ANGPT4: variants seen among roughly 807,000 people sequenced by gnomAD.
The protein encoded by ANGPT4 is angiopoietin 4.
A neutral mutation model predicts 53.0 loss-of-function variants in ANGPT4; 50 were observed. The ratio of observed to expected loss-of-function variants is 0.94; its 90% confidence interval spans 0.75 to 1.20. The LOEUF (loss-of-function observed/expected upper bound fraction) is 1.20, where lower values mean the gene tolerates loss of function less well. Ranked by LOEUF, ANGPT4 falls within the 50% of genes most tolerant of loss-of-function variation. The pLI is 0.00. For missense variants in ANGPT4, 648 were observed against 637.1 expected (o/e 1.02, Z -0.18); for synonymous variants, 251 against 259.7 (o/e 0.97, Z 0.32).
At chr20:883,938 C>G (rs1981506524) in intron 4 of ANGPT4, among the ~76,000 whole-genome samples, 1 of 152,234 alleles carries the variant, frequency 6.6e-6, no homozygotes, top group Middle Eastern at 3.2e-3. Context: ...CAAACCCCTA[C>G]TCAGCTGGGT....
At chr20:890,170 C>T (rs952014978) in intron 2 of ANGPT4, 43 bp downstream of exon 2, 7 of 1,593,868 alleles carry the variant, frequency 4.4e-6, no homozygotes, top group African/African-American at 1.3e-5. Flanking sequence ...ACCAGCCTGG[C>T]CAGCCACAGG....
intron 1 of ANGPT4, among the ~76,000 whole-genome samples, chr20:910,586 G>T (rs1374105832): frequency 6.6e-6 from 1 of 152,148 alleles, no homozygotes; most frequent in African/African-American, 2.4e-5. Context: ...TCTGACTGGA[G>T]GTGCAGGCTT....
At position 872,671 on chromosome 20, in the gene ANGPT4, C is replaced by T; in HGVS notation, c.*289G>A. The T allele has an allele frequency of 5.0e-6, 2 of 402,070 alleles. No homozygotes were observed. Among genetic ancestry groups the T allele is most frequent in the South Asian group, 6.0e-5 (2 of 33,404 alleles). The allele number at this position is 402,070 out of a possible 1,614,324, so 24.9% of individuals were successfully genotyped here. On this transcript the variant is annotated 3_prime_UTR_variant, in exon 9 of 9. Transcript: ENST00000381922. The stretch of plus-strand genomic sequence containing the variant: ...AATCAAGTTTGGTCTGTTCTCAGCC[C>T]ATTCAAGGTACTGTGACCCTCAGGC...
chr20:915,345 G>A (rs145239594), intron 1 of ANGPT4, among the ~76,000 whole-genome samples: 13 of 151,930 alleles, frequency 8.6e-5, no homozygotes, highest in South Asian at 2.1e-4. Flanking sequence ...GGCACACACC[G>A]CTGCGGATGC....
At chr20:873,960 G>T (rs929758757) in intron 8 of ANGPT4, among the ~76,000 whole-genome samples, 4 of 152,164 alleles carry the variant, frequency 2.6e-5, no homozygotes, top group African/African-American at 9.7e-5. Flanking sequence ...CCTGATCCTG[G>T]TTCGGCTTGC....
rs753048955 is a variant in ANGPT4 at position 915,948 on chromosome 20, C to T, written c.267G>A (p.Gln89=). The T allele has an allele frequency of 3.1e-6, 5 of 1,605,358 alleles. No individual in the cohort carries two copies. The highest frequency in any genetic ancestry group is 1.7e-4 in the Middle Eastern group (1 of 5,980). The change falls in exon 1 of 9, where the codon CAG becomes CAA. Residue 89 remains glutamine, a synonymous_variant. Coordinates refer to ENST00000381922, the MANE Select transcript of ANGPT4 (RefSeq NM_015985.4). Reference sequence around the variant, plus strand: ...TGTTGTTCTGCAGTGCCTGCTCCAGCTGTTTCACCTGCTGGGTGGGCAACT... The same window carrying T: ...TGTTGTTCTGCAGTGCCTGCTCCAGTTGTTTCACCTGCTGGGTGGGCAACT... The part of the protein sequence containing the change: ...LGKLPTQQVK[Q]LEQALQNNTQ...
At chr20:878,911 C>A (rs889872250) in intron 6 of ANGPT4, among the ~76,000 whole-genome samples, 5 of 152,164 alleles carry the variant, frequency 3.3e-5, no homozygotes, top group African/African-American at 9.7e-5. Context: ...TGTCCCAATG[C>A]CCTTGGACAG....
intron 1 of ANGPT4, among the ~76,000 whole-genome samples, chr20:905,828 G>A (rs1414097058): frequency 6.6e-6 from 1 of 152,142 alleles, no homozygotes; most frequent in African/African-American, 2.4e-5. Context: ...ATATCTAAAG[G>A]GCTACTCTGT....
Position 881,211 on chromosome 20 carries a change from A to G in ANGPT4, c.911T>C (p.Val304Ala). The G allele has an allele frequency of 6.2e-7, 1 of 1,611,690 alleles. No individual in the cohort carries two copies. Among genetic ancestry groups the G allele is most frequent in the South Asian group, 1.1e-5 (1 of 90,656 alleles). Reference protein sequence around the residue: ...IQRSGASASGVYTIQVSNATK... With the variant: ...IQRSGASASGAYTIQVSNATK... ...TGCATTGGACACCTGGATGGTGTAG[A>G]CACCACTGGCACTGGCCCCAGAGCG... Residue 304 changes from valine (V) to alanine (A), a missense_variant, in exon 5 of 9, where the codon GTC (valine) becomes GCC (alanine). Val to Ala is a moderately conservative substitution (Grantham distance 64). Coordinates refer to ENST00000381922, the MANE Select transcript of ANGPT4 (RefSeq NM_015985.4).
At position 872,678 on chromosome 20, in the gene ANGPT4, G is replaced by A; in HGVS notation, c.*282C>T. 1 of 428,718 alleles carries A rather than the reference G, an allele frequency of 2.3e-6. No individual in the cohort carries two copies. Among genetic ancestry groups the A allele is most frequent in the South Asian group, 2.7e-5 (1 of 36,536 alleles). 26.6% of individuals were successfully genotyped at this position (428,718 alleles called of 1,614,324 possible). A position where few individuals can be genotyped will look rare whatever the true frequency, so the allele number is the denominator to read the frequency against. The stretch of plus-strand genomic sequence containing the variant: ...TTTGGTCTGTTCTCAGCCCATTCAA[G>A]GTACTGTGACCCTCAGGCAGGGAGC... On this transcript the variant is annotated 3_prime_UTR_variant, in exon 9 of 9. Coordinates refer to ENST00000381922, the MANE Select transcript of ANGPT4 (RefSeq NM_015985.4).
At position 915,897 on chromosome 20, in the gene ANGPT4, G is replaced by A. The variant is rs747058723; in HGVS notation, c.309+9C>T. On this transcript the variant is annotated intron_variant, in intron 1 of 8. Transcript: ENST00000381922. ...CCTCTGCCCCCTGCAAACCTCCCAT[G>A]CCCCGTACCTTCTTCAGCCACTGCG... 9.0e-6 allele frequency: 14 copies of A among 1,554,706 alleles called. No homozygotes were observed. In the South Asian group the frequency reaches 1.6e-4, roughly 18 times the overall value.
At chr20:913,605 T>C (rs1318067455) in intron 1 of ANGPT4, among the ~76,000 whole-genome samples, 1 of 152,184 alleles carries the variant, frequency 6.6e-6, no homozygotes, top group Admixed American at 6.5e-5. Flanking sequence ...AGCCATCAGT[T>C]CAAGCCATCA....
At chr20:894,372 G>T (rs994478408) in intron 1 of ANGPT4, among the ~76,000 whole-genome samples, 1 of 152,290 alleles carries the variant, frequency 6.6e-6, no homozygotes, top group South Asian at 2.1e-4. Flanking sequence ...GCTGATGACC[G>T]CACTAACTGC....
At position 873,076 on chromosome 20, in the gene ANGPT4, A is replaced by G. The variant is rs1325892294; in HGVS notation, c.1396T>C (p.Tyr466His). Residue 466 changes from tyrosine to histidine, a missense_variant, in exon 9 of 9, where the codon TAC becomes CAC. Tyr to His is a moderately conservative substitution (Grantham distance 83). Coordinates refer to ENST00000381922, the MANE Select transcript of ANGPT4 (RefSeq NM_015985.4). The stretch of plus-strand genomic sequence containing the variant: ...TACTTGTTGTCGGGAGCGTGGTAGT[A>G]GACGCCGTTGAGGTTTGACAGGCCA... Reference protein sequence around the residue: ...ACGLSNLNGVYYHAPDNKYKM... With the variant: ...ACGLSNLNGVHYHAPDNKYKM... The G allele has an allele frequency of 1.2e-6, 2 of 1,614,034 alleles. No individual in the cohort carries two copies. Among genetic ancestry groups the G allele is most frequent in the East Asian group, 4.5e-5 (2 of 44,874 alleles).
At chr20:881,723 G>A (rs1353373105) in intron 4 of ANGPT4, among the ~76,000 whole-genome samples, 1 of 152,204 alleles carries the variant, frequency 6.6e-6, no homozygotes, top group Non-Finnish European at 1.5e-5. Flanking sequence ...GAAAAGGAGA[G>A]ACGAAGCTGA....
rs1464279730 is a variant in ANGPT4, at chr20:871,810, C to T, written c.*1150G>A. The T allele has an allele frequency of 6.6e-6, 1 of 152,248 alleles. No individual in the cohort carries two copies. The highest frequency in any genetic ancestry group is 1.9e-4 in the East Asian group (1 of 5,196). 9.4% of individuals were successfully genotyped at this position (152,248 alleles called of 1,614,324 possible). A position where few individuals can be genotyped will look rare whatever the true frequency, so the allele number is the denominator to read the frequency against. On this transcript the variant is annotated 3_prime_UTR_variant, in exon 9 of 9. Transcript: ENST00000381922. ...TGAAGGAGCCTTGGAGGACATGAGC[C>T]TATAACACAGACAGGGACCTAGTTC...
At position 872,928 on chromosome 20, in the gene ANGPT4, C is replaced by A. The variant is rs1429784601; in HGVS notation, c.*32G>T. On this transcript the variant is annotated 3_prime_UTR_variant, in exon 9 of 9. Coordinates refer to ENST00000381922, the MANE Select transcript of ANGPT4 (RefSeq NM_015985.4). ...CAGGAGTGCCAAGTCCGAGCTTCTC[C>A]TGTGTGGTCCAGCCTCTGGCACAGC... is the stretch of plus-strand genomic sequence containing the variant. The A allele has an allele frequency of 4.3e-6, 7 of 1,612,394 alleles. No homozygotes were observed. The Admixed American group carries it at 1.2e-4, about 27-fold the overall frequency.
chr20:884,638 T>G (rs1981536625), intron 4 of ANGPT4, among the ~76,000 whole-genome samples: 1 of 151,824 alleles, frequency 6.6e-6, no homozygotes, highest in Admixed American at 6.6e-5. Context: ...GCAGGGGCAT[T>G]AAGATGAGAG....
chr20:896,080 A>G (rs909496344), intron 1 of ANGPT4, among the ~76,000 whole-genome samples: 25 of 152,206 alleles, frequency 1.6e-4, no homozygotes, highest in South Asian at 2.1e-4. Context: ...CGCCCCCAAC[A>G]CAAGGTTCTA....
Sources: gnomAD v4.1 joint callset for allele counts (sites outside exome capture counted in the v4.1 genomes callset) on GRCh38, gnomAD v4.1.1 for gene constraint, MANE v1.5 for transcripts, NCBI Gene and HGNC (gene_info 2026-07-23, HGNC 2026-07-21) for gene names.